The following GPD2 variants were observed in gnomAD, a reference collection of about 807,000 sequenced individuals.
GPD2 encodes glycerol-3-phosphate dehydrogenase, mitochondrial.
Under a neutral mutation model 82.4 loss-of-function variants are expected in GPD2, and 54 were observed. That is an observed-to-expected ratio of 0.66 (90% CI 0.53 to 0.82). GPD2 has a LOEUF of 0.82. Among genes scored for constraint, GPD2 ranks in the 40% least tolerant of loss-of-function variants. The pLI, the probability that GPD2 is intolerant of heterozygous loss-of-function variation, is 0.00. For synonymous variants in GPD2, 288 were observed against 306.1 expected (o/e 0.94, Z 0.62); for missense variants, 748 against 896.2 (o/e 0.83, Z 2.11).
At chr2:156,517,207 C>T (rs1685231648) in intron 6 of GPD2, among the ~76,000 whole-genome samples, 1 of 152,192 alleles carries the variant, frequency 6.6e-6, no homozygotes, top group Admixed American at 6.5e-5. Context: ...ATCCTCCCGC[C>T]TTGGCCTCCC....
intron 1 of GPD2, among the ~76,000 whole-genome samples, chr2:156,458,630 T>G (rs974137083): frequency 3.3e-5 from 5 of 152,252 alleles, no homozygotes; most frequent in Non-Finnish European, 7.3e-5. Context: ...TTTCTTTTTC[T>G]ATATGGGTCT....
chr2:156,568,691 C>T (rs1417291801), intron 9 of GPD2, 134 bp from the exon 10 acceptor site: 9 of 743,234 alleles, frequency 1.2e-5, no homozygotes, highest in Non-Finnish European at 1.9e-5. Flanking sequence ...TAGTTCTCAT[C>T]TTTAGGCTTT....
intron 9 of GPD2, among the ~76,000 whole-genome samples, chr2:156,566,570 A>G (rs1253400876): frequency 1.3e-5 from 2 of 152,138 alleles, no homozygotes; most frequent in Non-Finnish European, 2.9e-5. Flanking sequence ...TTAAGGCTAG[A>G]TAATAGTTCG....
intron 2 of GPD2, among the ~76,000 whole-genome samples, chr2:156,494,187 TG>T (rs1355475893): frequency 6.6e-6 from 1 of 152,192 alleles, no homozygotes; most frequent in African/African-American, 2.4e-5. Flanking sequence ...TTTGTTTTTA[TG>T]AAATTTAGTA....
chr2:156,553,640 A>G (rs992699029), intron 8 of GPD2, among the ~76,000 whole-genome samples: 6 of 152,040 alleles, frequency 3.9e-5, no homozygotes, highest in African/African-American at 1.4e-4. Flanking sequence ...GTAATTAATA[A>G]CCTCTTCTTC....
chr2:156,504,411 TA>T (rs1384282422), intron 3 of GPD2, among the ~76,000 whole-genome samples: 1 of 152,062 alleles, frequency 6.6e-6, no homozygotes, highest in Non-Finnish European at 1.5e-5. Flanking sequence ...AAAACTATAT[TA>T]TTTTTCCTAC....
intron 1 of GPD2, among the ~76,000 whole-genome samples, chr2:156,445,659 T>G (rs1021112576): frequency 2.6e-5 from 4 of 152,238 alleles, no homozygotes; most frequent in African/African-American, 4.8e-5. Context: ...CTGATGGTTA[T>G]TGTGAAAACG....
At chr2:156,532,203 T>A (rs550040049) in intron 6 of GPD2, among the ~76,000 whole-genome samples, 11 of 152,162 alleles carry the variant, frequency 7.2e-5, no homozygotes, top group Non-Finnish European at 1.5e-4. Context: ...GACAAGGCCT[T>A]GCTTTGTTGC....
intron 1 of GPD2, among the ~76,000 whole-genome samples, chr2:156,460,487 G>T (rs1419984722): frequency 1.6e-4 from 25 of 152,208 alleles, no homozygotes; most frequent in Non-Finnish European, 8.8e-5. Context: ...TCTCTTGCCT[G>T]TTGGAAATTT....
At chr2:156,499,606 T>C (rs918745840) in intron 3 of GPD2, among the ~76,000 whole-genome samples, 2 of 152,144 alleles carry the variant, frequency 1.3e-5, no homozygotes, top group Admixed American at 6.6e-5. Context: ...TTTATAGTTT[T>C]TAAAAAAATA....
chr2:156,430,802 A>C (rs1688308253), upstream of GPD2, among the ~76,000 whole-genome samples: 1 of 152,254 alleles, frequency 6.6e-6, no homozygotes, highest in African/African-American at 2.4e-5. Flanking sequence ...GGCTCTAGAC[A>C]TGTGGTGATC....
At chr2:156,566,176 A>G (rs1687382765) in intron 9 of GPD2, among the ~76,000 whole-genome samples, 1 of 152,110 alleles carries the variant, frequency 6.6e-6, no homozygotes, top group African/African-American at 2.4e-5. Flanking sequence ...CTTGAATTAT[A>G]TCAGTTTATC....
At chr2:156,518,626 G>A (rs984589556) in intron 6 of GPD2, among the ~76,000 whole-genome samples, 1 of 152,068 alleles carries the variant, frequency 6.6e-6, no homozygotes, top group Admixed American at 6.5e-5. Context: ...TTATCTACTT[G>A]GAAAGCTAAA....
intron 2 of GPD2, among the ~76,000 whole-genome samples, chr2:156,485,694 C>T (rs1416052111): frequency 1.3e-5 from 2 of 152,160 alleles, no homozygotes; most frequent in Non-Finnish European, 2.9e-5. Context: ...CTATTTCCTG[C>T]AATTACCCAG....
the GPD2 span, among the ~76,000 whole-genome samples, chr2:156,428,790 C>T: frequency 1.3e-5 from 2 of 152,206 alleles, no homozygotes; most frequent in African/African-American, 4.8e-5. Context: ...TGAAGGATAA[C>T]AGAACAAAGA....
the GPD2 span, among the ~76,000 whole-genome samples, chr2:156,403,415 G>T: frequency 2.0e-5 from 3 of 152,152 alleles, no homozygotes. Flanking sequence ...TTGTATGAGG[G>T]TGTAATGCTT....
At chr2:156,469,644 A>G (rs1683261102) in intron 1 of GPD2, among the ~76,000 whole-genome samples, 1 of 152,176 alleles carries the variant, frequency 6.6e-6, no homozygotes, top group South Asian at 2.1e-4. Context: ...TGGAGAATGC[A>G]TGCCCCGAGG....
At chr2:156,461,870 T>C (rs1683001048) in intron 1 of GPD2, among the ~76,000 whole-genome samples, 1 of 152,250 alleles carries the variant, frequency 6.6e-6, no homozygotes, top group Non-Finnish European at 1.5e-5. Context: ...CCCAGTTGAA[T>C]GTATGTTACC....
intron 13 of GPD2, among the ~76,000 whole-genome samples, chr2:156,576,136 T>A (rs1687813551): frequency 6.6e-6 from 1 of 152,166 alleles, no homozygotes; most frequent in South Asian, 2.1e-4. Context: ...AGAAATATGG[T>A]TTTAGTTAAC....
Sources: gnomAD v4.1 joint callset for allele counts (sites outside exome capture counted in the v4.1 genomes callset) on GRCh38, gnomAD v4.1.1 for gene constraint, MANE v1.5 for transcripts, NCBI Gene and HGNC (gene_info 2026-07-23, HGNC 2026-07-21) for gene names.